Variants in C1orf21 observed in about 807,000 individuals in gnomAD.
The protein encoded by C1orf21 is uncharacterized protein C1orf21.
Under a neutral mutation model 18.7 loss-of-function variants are expected in C1orf21, and 3 were observed. That is an observed-to-expected ratio of 0.16 (90% CI 0.07 to 0.42). C1orf21 has a LOEUF of 0.42. Among genes scored for constraint, C1orf21 ranks in the 10% least tolerant of loss-of-function variants. The probability of loss-of-function intolerance (pLI) is 0.99; values close to 1 mark genes in which losing one functional copy is unlikely to be tolerated. For synonymous variants in C1orf21, 41 were observed against 46.4 expected, an observed-to-expected ratio of 0.88 and a Z score of 0.47; for missense variants, 104 against 143.6, an observed-to-expected ratio of 0.72 and a Z score of 1.41.
At chr1:184,388,407 G>A (rs1423335899) in intron 1 of C1orf21, among the ~76,000 whole-genome samples, 1 of 152,182 alleles carries the variant, frequency 6.6e-6, no homozygotes, top group Non-Finnish European at 1.5e-5. Context: ...TGACCTATGG[G>A]ATCTCTTCCA....
chr1:184,511,242 A>G (rs189978160), intron 3 of C1orf21, among the ~76,000 whole-genome samples: 9 of 152,302 alleles, frequency 5.9e-5, no homozygotes, highest in East Asian at 1.9e-4. Flanking sequence ...TCATACAACA[A>G]TGTAATAAGT....
chr1:184,451,281 C>T (rs577099135), intron 1 of C1orf21, among the ~76,000 whole-genome samples: 1 of 151,816 alleles, frequency 6.6e-6, no homozygotes, highest in African/African-American at 2.4e-5. Flanking sequence ...AACTTTGGAA[C>T]ATTTTTTTGT....
chr1:184,483,138 G>A (rs1466075921), intron 2 of C1orf21, among the ~76,000 whole-genome samples: 3 of 152,186 alleles, frequency 2.0e-5, no homozygotes, highest in Non-Finnish European at 2.9e-5. Context: ...ACTTCAGAAG[G>A]TTTCATCTTC....
At chr1:184,499,442 G>A (rs571269728) in intron 2 of C1orf21, among the ~76,000 whole-genome samples, 1 of 152,132 alleles carries the variant, frequency 6.6e-6, no homozygotes, top group African/African-American at 2.4e-5. Flanking sequence ...CCTAACTTAA[G>A]TAGCACAGGG....
Position 184,417,294 on chromosome 1 carries a change from A to G in C1orf21, c.-125+29926A>G, listed in dbSNP as rs1324598996. On this transcript the variant is annotated intron_variant, in intron 1 of 5. Coordinates refer to ENST00000235307, the MANE Select transcript of C1orf21 (RefSeq NM_030806.4). ...GCATAAGGAAAAACGGTCAAAATTT[A>G]GAGCTGCTTCCATAGCGACAATGCT... Among the ~76,000 whole-genome samples, 3 of 152,252 alleles carry G rather than the reference A, an allele frequency of 2.0e-5. No homozygotes were observed. In the East Asian group the frequency reaches 5.8e-4, roughly 29 times the overall value.
intron 1 of C1orf21, among the ~76,000 whole-genome samples, chr1:184,446,643 T>C (rs938592081): frequency 1.3e-5 from 2 of 151,906 alleles, no homozygotes; most frequent in Non-Finnish European, 2.9e-5. Flanking sequence ...TGGATACCTA[T>C]AGATCAGAAG....
chr1:184,488,312 A>G (rs1363289461), intron 2 of C1orf21, among the ~76,000 whole-genome samples: 1 of 152,228 alleles, frequency 6.6e-6, no homozygotes, highest in Non-Finnish European at 1.5e-5. Context: ...AGTTTAAAAG[A>G]AATCCCACCA....
intron 1 of C1orf21, among the ~76,000 whole-genome samples, chr1:184,425,519 C>G (rs1656624169): frequency 6.6e-6 from 1 of 152,082 alleles, no homozygotes; most frequent in African/African-American, 2.4e-5. Context: ...ATCCTGGCCT[C>G]CCAAAGTGTT....
intron 3 of C1orf21, among the ~76,000 whole-genome samples, chr1:184,515,059 AG>A (rs1249707134): frequency 6.6e-6 from 1 of 152,166 alleles, no homozygotes; most frequent in Non-Finnish European, 1.5e-5. Flanking sequence ...GAATAATTGG[AG>A]CCACTTTAGT....
At chr1:184,497,073 C>T (rs1354837329) in intron 2 of C1orf21, among the ~76,000 whole-genome samples, 1 of 152,104 alleles carries the variant, frequency 6.6e-6, no homozygotes, top group Non-Finnish European at 1.5e-5. Flanking sequence ...TTAATCGAAC[C>T]GCTCTGAAAC....
Position 184,443,827 on chromosome 1 carries a change from A to G in C1orf21, c.-124-33559A>G, listed in dbSNP as rs545330666. On this transcript the variant is annotated intron_variant, in intron 1 of 5. Transcript: ENST00000235307. ...GGTCATGAGGCACTGGATACCAAGC[A>G]TATCCTGAAGTGCACTGGATTGCAC... Among the ~76,000 whole-genome samples, 20 of 152,240 alleles carry G rather than the reference A, an allele frequency of 1.3e-4. No individual in the cohort carries two copies. The South Asian group carries it at 3.9e-3, about 30-fold the overall frequency.
At chr1:184,544,873 C>CCT (rs2101979003) in intron 3 of C1orf21, among the ~76,000 whole-genome samples, 1 of 152,284 alleles carries the variant, frequency 6.6e-6, no homozygotes, top group African/African-American at 2.4e-5. Context: ...TGTTGGGAGG[C>CCT]CTCAGTTCCT....
At chr1:184,542,375 A>G (rs1428169363) in intron 3 of C1orf21, among the ~76,000 whole-genome samples, 1 of 152,224 alleles carries the variant, frequency 6.6e-6, no homozygotes, top group Non-Finnish European at 1.5e-5. Context: ...TCACACAACC[A>G]GTAAAGAATG....
At chr1:184,530,713 T>C (rs1366685880) in intron 3 of C1orf21, among the ~76,000 whole-genome samples, 5 of 152,010 alleles carry the variant, frequency 3.3e-5, no homozygotes, top group Admixed American at 6.6e-5. Flanking sequence ...ATGACTTTTT[T>C]TTCCTTATAG....
intron 1 of C1orf21, among the ~76,000 whole-genome samples, chr1:184,416,999 T>C (rs1193405691): frequency 1.3e-5 from 2 of 152,162 alleles, no homozygotes; most frequent in Non-Finnish European, 2.9e-5. Context: ...ATTAGGCCAG[T>C]TTAGTGACAA....
chr1:184,593,752 G>C (rs575603207), intron 4 of C1orf21, among the ~76,000 whole-genome samples: 1 of 152,182 alleles, frequency 6.6e-6, no homozygotes, highest in African/African-American at 2.4e-5. Flanking sequence ...AGGAGGTTGC[G>C]TGAATGCACC....
chr1:184,543,120 G>A (rs1222782267), intron 3 of C1orf21, among the ~76,000 whole-genome samples: 1 of 152,188 alleles, frequency 6.6e-6, no homozygotes, highest in East Asian at 1.9e-4. Flanking sequence ...GGATGCTGTG[G>A]CAGGAGGATC....
At chr1:184,615,461 A>G (rs1659806780) in intron 5 of C1orf21, among the ~76,000 whole-genome samples, 1 of 152,056 alleles carries the variant, frequency 6.6e-6, no homozygotes, top group East Asian at 1.9e-4. Flanking sequence ...CAAGGGTGGG[A>G]TTGTGACTAA....
intron 1 of C1orf21, among the ~76,000 whole-genome samples, chr1:184,467,078 T>C (rs1020555665): frequency 6.6e-6 from 1 of 152,180 alleles, no homozygotes; most frequent in Non-Finnish European, 1.5e-5. Flanking sequence ...GATAAACATT[T>C]TTAAATTTAG....
Sources: allele counts gnomAD v4.1 joint callset (sites outside exome capture counted in the v4.1 genomes callset), GRCh38; gene constraint gnomAD v4.1.1; transcripts MANE v1.5; gene names NCBI Gene and HGNC (gene_info 2026-07-23, HGNC 2026-07-21).